BCL2: variants seen among roughly 807,000 people sequenced by gnomAD.
BCL2 encodes apoptosis regulator Bcl-2.
A neutral mutation model predicts 14.2 loss-of-function variants in BCL2; 1 was observed. The ratio of observed to expected loss-of-function variants is 0.07; its 90% CI spans 0.02 to 0.33. The LOEUF is 0.33. BCL2 is among the 10% of genes least tolerant of loss of function. The pLI, the probability that BCL2 is intolerant of heterozygous loss-of-function variation, is 0.99. For missense variants in BCL2, 247 were observed against 305.9 expected, an observed-to-expected ratio of 0.81 and a Z score of 1.44; for synonymous variants, 151 against 137.2, an observed-to-expected ratio of 1.10 and a Z score of -0.70.
In BCL2 at chr18:63,128,394, A is replaced by G; in HGVS notation, c.*231T>C. The G allele has an allele frequency of 2.5e-6, 1 of 406,940 alleles. No homozygotes were observed. The highest frequency in any genetic ancestry group is 2.0e-5 in the African/African-American group (1 of 49,520). The allele number at this position is 406,940 out of a possible 1,614,324, so 25.2% of individuals were successfully genotyped here. ...TAAATCTTTTTTTCTTAATAATGTA[A>G]AAAATAAATGATATTTCCCTTTGGC... On this transcript the variant is annotated 3_prime_UTR_variant, in exon 3 of 3. Transcript: ENST00000333681.
chr18:63,181,049 C>G (rs1273153500), intron 2 of BCL2, among the ~76,000 whole-genome samples: 3 of 152,164 alleles, frequency 2.0e-5, no homozygotes, highest in Admixed American at 2.0e-4. Flanking sequence ...TCATGGCTCA[C>G]GACGGAGGCC....
At chr18:63,222,742 A>T (rs1279980367) in intron 2 of BCL2, among the ~76,000 whole-genome samples, 1 of 152,194 alleles carries the variant, frequency 6.6e-6, no homozygotes, top group Non-Finnish European at 1.5e-5. Context: ...TATGGCTTTC[A>T]CCTGAAACGT....
At chr18:63,130,688 C>A (rs2144586521) in intron 2 of BCL2, among the ~76,000 whole-genome samples, 2 of 152,266 alleles carry the variant, frequency 1.3e-5, no homozygotes, top group East Asian at 3.9e-4. Context: ...ATGTGCCATA[C>A]TTTAAAAAAT....
Position 63,193,667 on chromosome 18 carries a change from T to C in BCL2, c.586-64908A>G, listed in dbSNP as rs578219455. On this transcript the variant is annotated intron_variant, in intron 2 of 2. Transcript: ENST00000333681. Reference sequence around the variant, plus strand: ...ACATATATATACACATACATATATATACACACACACACACATTTTCCGTAT... The same window carrying C: ...ACATATATATACACATACATATATACACACACACACACACATTTTCCGTAT... Among the ~76,000 whole-genome samples the C allele has an allele frequency of 2.8e-4, 42 of 150,414 alleles. No homozygotes were observed. In the South Asian group the frequency reaches 6.3e-3, roughly 23 times the overall value.
chr18:63,272,648 A>C (rs955678263), intron 2 of BCL2, among the ~76,000 whole-genome samples: 1 of 152,246 alleles, frequency 6.6e-6, no homozygotes, highest in East Asian at 1.9e-4. Context: ...TTATAAGTAC[A>C]AATGATTTGT....
intron 2 of BCL2, among the ~76,000 whole-genome samples, chr18:63,142,226 G>C (rs1025867000): frequency 6.6e-6 from 1 of 152,236 alleles, no homozygotes; most frequent in African/African-American, 2.4e-5. Flanking sequence ...ACCTGGAGGA[G>C]GGTATGTAGA....
chr18:63,275,077 T>C (rs887691290), intron 2 of BCL2, among the ~76,000 whole-genome samples: 8 of 151,812 alleles, frequency 5.3e-5, no homozygotes, highest in Admixed American at 2.6e-4. Flanking sequence ...TGCTCTAATA[T>C]CCTTTTATAT....
rs1194757395 is a variant in BCL2 at position 63,126,289 on chromosome 18, C to T, written c.*2336G>A. The stretch of plus-strand genomic sequence containing the variant: ...AAGCACCACTGCATTTCAGGAAGAC[C>T]CTGAAGGACAGCCATGAGAAAGCCC... On this transcript the variant is annotated 3_prime_UTR_variant, in exon 3 of 3. Transcript: ENST00000333681. 1 of 221,332 alleles carries T rather than the reference C, an allele frequency of 4.5e-6. No homozygotes were observed. Among genetic ancestry groups the T allele is most frequent in the African/African-American group, 2.2e-5 (1 of 44,564 alleles). The allele number at this position is 221,332 out of a possible 1,614,324, so 13.7% of individuals were successfully genotyped here.
At chr18:63,245,480 C>A (rs1171212479) in intron 2 of BCL2, among the ~76,000 whole-genome samples, 1 of 152,214 alleles carries the variant, frequency 6.6e-6, no homozygotes, top group African/African-American at 2.4e-5. Context: ...AGCAGGACAG[C>A]ATCTGCTGCC....
At chr18:63,266,071 A>T (rs553844436) in intron 2 of BCL2, among the ~76,000 whole-genome samples, 7 of 152,278 alleles carry the variant, frequency 4.6e-5, no homozygotes, top group Non-Finnish European at 1.0e-4. Context: ...CCAGGATTTT[A>T]TCCTGCAGAT....
In BCL2 at chr18:63,124,643, T is replaced by TAA. The variant is rs34811186; in HGVS notation, c.*3980_*3981dup. The stretch of plus-strand genomic sequence containing the variant: ...AAATGTCCTTTGTCCCATAATAATT[T>TAA]AAAAAAAAAATCCCTGAAAGATCCA... On this transcript the variant is annotated 3_prime_UTR_variant, in exon 3 of 3. Transcript: ENST00000333681. 223 of 213,008 alleles carry TAA rather than the reference T, an allele frequency of 1.0e-3. No individual in the cohort carries two copies. Among genetic ancestry groups the TAA allele is most frequent in the East Asian group, 2.4e-3 (32 of 13,064 alleles). The allele number at this position is 213,008 out of a possible 1,614,324, so 13.2% of individuals were successfully genotyped here.
In BCL2 at chr18:63,158,005, C is replaced by T. The variant is rs116649014; in HGVS notation, c.586-29246G>A. 3.5e-3 allele frequency among the ~76,000 whole-genome samples: 524 copies of T among 151,726 alleles called. 3 individuals are homozygous for T. Among genetic ancestry groups the T allele is most frequent in the African/African-American group, 0.012 (505 of 41,320 alleles). ...AAAAACAAACATATACAGAGTTCGG[C>T]GTAGCAGGAAAAAGAAACTCAGCTC... On this transcript the variant is annotated intron_variant, in intron 2 of 2. Transcript: ENST00000333681.
chr18:63,154,835 C>T (rs1237133042), intron 2 of BCL2, among the ~76,000 whole-genome samples: 1 of 152,198 alleles, frequency 6.6e-6, no homozygotes, highest in Non-Finnish European at 1.5e-5. Flanking sequence ...CTTGTAAAAG[C>T]TGTGTGCATG....
chr18:63,309,638 A>G lies in BCL2; in HGVS notation c.585+8444T>C, dbSNP rs1341455836. ...CCCCGTCCAGGCTCAGTCACTGTCA[A>G]TCTTCCTCCCACGCACACATCCTGC... On this transcript the variant is annotated intron_variant, in intron 2 of 2. Coordinates refer to ENST00000333681, the MANE Select transcript of BCL2 (RefSeq NM_000633.3). Among the ~76,000 whole-genome samples the G allele has an allele frequency of 2.6e-5, 4 of 152,092 alleles. No homozygotes were observed. In the East Asian group the frequency reaches 7.7e-4, roughly 29 times the overall value.
Position 63,202,219 on chromosome 18 carries a change from G to A in BCL2, c.586-73460C>T, listed in dbSNP as rs911457026. 3.9e-5 allele frequency among the ~76,000 whole-genome samples: 6 copies of A among 152,308 alleles called. 1 individual carries two copies. In the South Asian group the frequency reaches 1.2e-3, roughly 32 times the overall value. ...AGGTACTTGGGTGCCTGAGGCAGGA[G>A]AATCACTTGAACTCAGGAGGCGGAG... is the stretch of plus-strand genomic sequence containing the variant. On this transcript the variant is annotated intron_variant, in intron 2 of 2. Transcript: ENST00000333681.
intron 2 of BCL2, among the ~76,000 whole-genome samples, chr18:63,311,085 A>G (rs745697288): frequency 5.9e-5 from 9 of 152,014 alleles, no homozygotes; most frequent in Non-Finnish European, 1.2e-4. Flanking sequence ...TTTGTACTTA[A>G]TTTTATTCCT....
rs4987848 is a variant in BCL2, at chr18:63,127,683, C to T, written c.*942G>A. ...GTCTCCTAAAAGCAGGCACTTGTGG[C>T]GGCCTGATGCTCTGGGTAACTCTAG... On this transcript the variant is annotated 3_prime_UTR_variant, in exon 3 of 3. Coordinates refer to ENST00000333681, the MANE Select transcript of BCL2 (RefSeq NM_000633.3). 5.8e-3 allele frequency: 1,324 copies of T among 228,342 alleles called. 6 individuals carry two copies. Among genetic ancestry groups the T allele is most frequent in the Non-Finnish European group, 8.8e-3 (1,010 of 114,912 alleles). 14.1% of individuals were successfully genotyped at this position (228,342 alleles called of 1,614,324 possible).
chr18:63,249,888 G>C (rs1568246799), intron 2 of BCL2, among the ~76,000 whole-genome samples: 1 of 151,984 alleles, frequency 6.6e-6, no homozygotes, highest in African/African-American at 2.4e-5. Context: ...ACAGGAATTA[G>C]AGGAGCAGGC....
intron 2 of BCL2, among the ~76,000 whole-genome samples, chr18:63,216,839 A>G (rs1252104804): frequency 6.6e-6 from 1 of 152,214 alleles, no homozygotes; most frequent in Non-Finnish European, 1.5e-5. Flanking sequence ...CAGTCAACAT[A>G]ACAAATCTAC....
Sources: gnomAD v4.1 joint callset for allele counts (sites outside exome capture counted in the v4.1 genomes callset) on GRCh38, gnomAD v4.1.1 for gene constraint, MANE v1.5 for transcripts, NCBI Gene and HGNC (gene_info 2026-07-23, HGNC 2026-07-21) for gene names.